PLXNB1: variants seen among roughly 807,000 people sequenced by gnomAD.
PLXNB1 encodes the protein plexin B1.
PLXNB1 carries 106 observed loss-of-function variants against 209.4 expected under a neutral mutation model. The ratio of observed to expected loss-of-function variants is 0.51; its 90% CI spans 0.43 to 0.59. The LOEUF (loss-of-function observed/expected upper bound fraction) is 0.59. PLXNB1 is among the 20% of genes least tolerant of loss of function. The probability of loss-of-function intolerance (pLI) is 0.00; values close to 1 mark genes in which losing one functional copy is unlikely to be tolerated. For synonymous variants in PLXNB1, 1,167 were observed against 1,183.2 expected, an observed-to-expected ratio of 0.99 and a Z score of 0.28; for missense variants, 2,357 against 2,853.2, an observed-to-expected ratio of 0.83 and a Z score of 3.96.
Position 48,405,864 on chromosome 3 carries a change from AG to A in PLXNB1, c.6229-67del. ...TGCAGAGAGCCACAGGAGGCAGCCC[AG>A]GACCCCAGGGAAGGGCTGGGGGAGA... On this transcript the variant is annotated intron_variant, in intron 36 of 37. Coordinates refer to ENST00000296440, the MANE Select transcript of PLXNB1 (RefSeq NM_001130082.3). This position sits in a 1 kb window ranked among gnomAD's most constrained non-coding sequence, Gnocchi z 5.0. The A allele has an allele frequency of 7.6e-7, 1 of 1,314,510 alleles. No individual in the cohort carries two copies. Among genetic ancestry groups the A allele is most frequent in the East Asian group, 2.3e-5 (1 of 43,178 alleles). The allele number at this position is 1,314,510 out of a possible 1,614,324, so 81.4% of individuals were successfully genotyped here.
Position 48,412,810 on chromosome 3 carries a change from G to A in PLXNB1, c.4786C>T (p.Arg1596Trp), listed in dbSNP as rs752036265. Residue 1596 changes from arginine to tryptophan, a missense_variant, in exon 25 of 38, where the codon CGG (arginine) becomes TGG (tryptophan). Transcript: ENST00000296440. ...CCCAGCCCTTGCTCCACAGTGGGCC[G>A]TCTGCTCTCAGGCACACCCAGGTCC... is the stretch of plus-strand genomic sequence containing the variant. ...HRDLGVPESR[R>W]PTVEQGLGQL... The A allele has an allele frequency of 9.3e-6, 15 of 1,613,548 alleles. No individual in the cohort carries two copies. The highest frequency in any genetic ancestry group is 1.7e-5 in the Admixed American group (1 of 60,006).
Position 48,405,651 on chromosome 3 carries a change from C to A in PLXNB1, c.6303+73G>T, listed in dbSNP as rs755236250. 5.7e-4 allele frequency: 690 copies of A among 1,211,258 alleles called. 2 individuals are homozygous for A. The highest frequency in any genetic ancestry group is 5.8e-4 in the Middle Eastern group (3 of 5,154). 75.0% of individuals were successfully genotyped at this position (1,211,258 alleles called of 1,614,324 possible). A position where few individuals can be genotyped will look rare whatever the true frequency, so the allele number is the denominator to read the frequency against. ...AGACCAAAGCCCCCAACGTGAGTCACAGGGTCAGAGCCCCTTAAGTCTCCT... is the reference window on the plus strand; with the variant it reads ...AGACCAAAGCCCCCAACGTGAGTCAAAGGGTCAGAGCCCCTTAAGTCTCCT... On this transcript the variant is annotated intron_variant, in intron 37 of 37. Coordinates refer to ENST00000296440, the MANE Select transcript of PLXNB1 (RefSeq NM_001130082.3). This position sits in a 1 kb window ranked among gnomAD's most constrained non-coding sequence, Gnocchi z 5.0.
intron 1 of PLXNB1, among the ~76,000 whole-genome samples, chr3:48,425,805 AACACAC>A (rs1166591503): frequency 4.1e-5 from 6 of 145,382 alleles, no homozygotes; most frequent in African/African-American, 7.7e-5. Flanking sequence ...ATATGCCTAC[AACACAC>A]ACACACACAC....
In PLXNB1 at chr3:48,418,826, C is replaced by T. The variant is rs570131935; in HGVS notation, c.2955+91G>A. On this transcript the variant is annotated intron_variant, in intron 13 of 37. Coordinates refer to ENST00000296440, the MANE Select transcript of PLXNB1 (RefSeq NM_001130082.3). The surrounding 1 kb of genome is among the most constrained non-coding windows in gnomAD (Gnocchi z 6.6). ...AGGGCGACACGGTCAGAGCGTGGCT[C>T]TGGAAAGTGTGGTGCAGCCAGCTAC... 7.0e-5 allele frequency: 106 copies of T among 1,523,170 alleles called. 2 individuals are homozygous for T. The South Asian group carries it at 1.2e-3, about 17-fold the overall frequency. 94.4% of individuals were successfully genotyped at this position (1,523,170 alleles called of 1,614,324 possible). A position where few individuals can be genotyped will look rare whatever the true frequency, so the allele number is the denominator to read the frequency against.
Position 48,419,762 on chromosome 3 carries a change from G to C in PLXNB1, c.2524C>G (p.Leu842Val). ...GGCAGCTCGCCGCCTTCTCTCGTGA[G>C]CCAGTCCAGGGCGGGCTTCACGGAG... ...MGSVKPALDWLTREGGELPEA... is the reference protein window; with the variant it reads ...MGSVKPALDWVTREGGELPEA... The change falls in exon 11 of 38, where the codon CTC (leucine) becomes GTC (valine). Residue 842 changes from leucine (L) to valine (V), a missense_variant. Leu to Val is a conservative substitution (Grantham distance 32). Coordinates refer to ENST00000296440, the MANE Select transcript of PLXNB1 (RefSeq NM_001130082.3). The surrounding 1 kb of genome is among the most constrained non-coding windows in gnomAD (Gnocchi z 5.7). The C allele has an allele frequency of 6.2e-7, 1 of 1,608,506 alleles. No individual in the cohort carries two copies. The highest frequency in any genetic ancestry group is 2.2e-5 in the East Asian group (1 of 44,738).
intron 1 of PLXNB1, among the ~76,000 whole-genome samples, chr3:48,428,404 A>G (rs1415431337): frequency 6.6e-6 from 1 of 152,166 alleles, no homozygotes; most frequent in East Asian, 1.9e-4. Context: ...CATGCCCTGG[A>G]GTCTCTTCTG....
rs747664321 is a variant in PLXNB1 at position 48,419,974 on chromosome 3, G to A, written c.2312C>T (p.Ala771Val). 6.3e-7 allele frequency: 1 copy of A among 1,589,842 alleles called. No homozygotes were observed. Among genetic ancestry groups the A allele is most frequent in the East Asian group, 2.2e-5 (1 of 44,590 alleles). The stretch of plus-strand genomic sequence containing the variant: ...TCTGAAGTCAGTGGGGGCAGGGACA[G>A]CGGTTCCAGGTCCATTTTGGGGGCT... ...PPSPQNGPGT[A>V]VPAPTDFRPS... is the part of the protein sequence containing the mutation. The change falls in exon 11 of 38, where the codon GCT becomes GTT. Residue 771 changes from alanine to valine, a missense_variant. This residue lies in a region of PLXNB1 where 410 missense variants were observed against 401.0 expected (regional missense o/e 1.02). Transcript: ENST00000296440. The surrounding 1 kb of genome is among the most constrained non-coding windows in gnomAD (Gnocchi z 5.7).
At position 48,411,294 on chromosome 3, in the gene PLXNB1, C is replaced by T. The variant is rs2037666048; in HGVS notation, c.5248-258G>A. Among the ~76,000 whole-genome samples, 1 of 152,194 alleles carries T rather than the reference C, an allele frequency of 6.6e-6. No individual in the cohort carries two copies. Among genetic ancestry groups the T allele is most frequent in the Non-Finnish European group, 1.5e-5 (1 of 68,040 alleles). ...CAGAAAAAAATGAGTGAGCACAAGTCCCTCATCACTCAGATCCCCAGGTTC... is the reference window on the plus strand; with the variant it reads ...CAGAAAAAAATGAGTGAGCACAAGTTCCTCATCACTCAGATCCCCAGGTTC... On this transcript the variant is annotated intron_variant, in intron 28 of 37. Coordinates refer to ENST00000296440, the MANE Select transcript of PLXNB1 (RefSeq NM_001130082.3). This position sits in a 1 kb window ranked among gnomAD's most constrained non-coding sequence, Gnocchi z 4.0.
intron 25 of PLXNB1, 43 bp downstream of exon 25, chr3:48,412,699 G>A (rs371931709): frequency 5.0e-6 from 8 of 1,604,098 alleles, no homozygotes; most frequent in African/African-American, 2.7e-5. Context: ...CCTGGAGAAG[G>A]GGCAGGGCCA....
Position 48,419,642 on chromosome 3 carries a change from G to C in PLXNB1, c.2644C>G (p.Pro882Ala), listed in dbSNP as rs747160759. Reference protein sequence around the residue: ...DGDSAELEGPPAPLILPSSLD... With the variant: ...DGDSAELEGPAAPLILPSSLD... ...CTGGACGGGAGGATGAGGGGGGCGG[G>C]AGGGCCCTCAAGCTCTGCTGAGTCT... The change falls in exon 11 of 38, where the codon CCC becomes GCC. Residue 882 changes from proline to alanine, a missense_variant. Transcript: ENST00000296440. This position sits in a 1 kb window ranked among gnomAD's most constrained non-coding sequence, Gnocchi z 5.7. The C allele has an allele frequency of 5.6e-6, 9 of 1,612,622 alleles. No individual in the cohort carries two copies. The highest frequency in any genetic ancestry group is 8.5e-7 in the Non-Finnish European group (1 of 1,179,954).
At chr3:48,404,755 G>A (rs1268871723) in intron 37 of PLXNB1, among the ~76,000 whole-genome samples, 165 bp from the exon 38 acceptor site, 1 of 152,184 alleles carries the variant, frequency 6.6e-6, no homozygotes, top group South Asian at 2.1e-4. Context: ...TCGCTGGCGG[G>A]AGGGGTAATA....
Position 48,415,523 on chromosome 3 carries a change from T to C in PLXNB1, c.3794+60A>G, listed in dbSNP as rs1282304556. On this transcript the variant is annotated intron_variant, in intron 19 of 37. Transcript: ENST00000296440. The surrounding 1 kb of genome is among the most constrained non-coding windows in gnomAD (Gnocchi z 5.0). ...ACATAAAGCCCTACAAACCCCCACA[T>C]AGTGGAGCTGCAAAGACCTCCCTGC... The C allele has an allele frequency of 4.4e-5, 65 of 1,484,926 alleles. No individual in the cohort carries two copies. The highest frequency in any genetic ancestry group is 5.7e-5 in the Non-Finnish European group (62 of 1,097,170). The allele number at this position is 1,484,926 out of a possible 1,614,324, so 92.0% of individuals were successfully genotyped here. A position where few individuals can be genotyped will look rare whatever the true frequency, so the allele number is the denominator to read the frequency against.
rs774553774 is a variant in PLXNB1 at position 48,420,621 on chromosome 3, A to G, written c.2028+44T>C. On this transcript the variant is annotated intron_variant, in intron 10 of 37. Transcript: ENST00000296440. ...CCATGAGAAAAACTCTCACACTGGG[A>G]CCCCCAACCCCCCCGGTATGGCCCA... 5.4e-6 allele frequency: 8 copies of G among 1,489,752 alleles called. No homozygotes were observed. The East Asian group carries it at 1.1e-4, about 21-fold the overall frequency. The allele number at this position is 1,489,752 out of a possible 1,614,324, so 92.3% of individuals were successfully genotyped here.
chr3:48,419,631 G>A lies in PLXNB1; in HGVS notation c.2655C>T (p.Leu885=). The A allele has an allele frequency of 6.2e-7, 1 of 1,612,646 alleles. No individual in the cohort carries two copies. Among genetic ancestry groups the A allele is most frequent in the South Asian group, 1.1e-5 (1 of 91,074 alleles). The change falls in exon 11 of 38, where the codon CTC becomes CTT. Residue 885 remains leucine, a synonymous_variant. Transcript: ENST00000296440. This position sits in a 1 kb window ranked among gnomAD's most constrained non-coding sequence, Gnocchi z 5.7. The stretch of plus-strand genomic sequence containing the variant: ...GGTAGTCGAGGCTGGACGGGAGGAT[G>A]AGGGGGGCGGGAGGGCCCTCAAGCT... ...SAELEGPPAP[L]ILPSSLDYQY... is the part of the protein sequence containing the mutation.
intron 2 of PLXNB1, among the ~76,000 whole-genome samples, chr3:48,424,851 G>C (rs1459918156): frequency 6.6e-6 from 1 of 152,160 alleles, no homozygotes; most frequent in African/African-American, 2.4e-5. Context: ...CCCATTCTCT[G>C]CAGGCACGAT....
rs765476248 is a variant in PLXNB1, at chr3:48,415,297, G to A, written c.3845C>T (p.Thr1282Met). ...GACCACGGTCACCCGGATTCTTGGC[G>A]TCTGTACCACGTCCAGATTCTGGCC... ...VRGQNLDVVQ[T>M]PRIRVTVVSR... Residue 1282 changes from threonine to methionine, a missense_variant, in exon 20 of 38, where the codon ACG becomes ATG. Thr to Met is a moderately conservative substitution (Grantham distance 81, BLOSUM62 -1). Coordinates refer to ENST00000296440, the MANE Select transcript of PLXNB1 (RefSeq NM_001130082.3). The surrounding 1 kb of genome is among the most constrained non-coding windows in gnomAD (Gnocchi z 5.0). The A allele has an allele frequency of 1.6e-5, 26 of 1,613,552 alleles. No individual in the cohort carries two copies. The highest frequency in any genetic ancestry group is 2.2e-5 in the South Asian group (2 of 91,076).
At chr3:48,407,835 G>A (rs1383141933) in intron 34 of PLXNB1, among the ~76,000 whole-genome samples, 3 of 152,166 alleles carry the variant, frequency 2.0e-5, no homozygotes, top group East Asian at 1.9e-4. Flanking sequence ...GGAAGGGGAG[G>A]TACTGGAAGG....
At position 48,419,196 on chromosome 3, in the gene PLXNB1, CA is replaced by C. The variant is rs768815680; in HGVS notation, c.2832+47del. On this transcript the variant is annotated intron_variant, in intron 12 of 37. Transcript: ENST00000296440. The surrounding 1 kb of genome is among the most constrained non-coding windows in gnomAD (Gnocchi z 5.7). ...TCCCCAGGGCTTGTGCAGAGTTTCTCAACAGCTAAGGAGGCTGCAAGGACAG... is the reference window on the plus strand; with the variant it reads ...TCCCCAGGGCTTGTGCAGAGTTTCTCACAGCTAAGGAGGCTGCAAGGACAG... 1.3e-6 allele frequency: 2 copies of C among 1,547,884 alleles called. No homozygotes were observed. The highest frequency in any genetic ancestry group is 1.8e-6 in the Non-Finnish European group (2 of 1,142,728).
Position 48,412,872 on chromosome 3 carries a change from A to G in PLXNB1, c.4724T>C (p.Ile1575Thr). ...FLDYKVYAER[I>T]FFPGHRESPL... is the part of the protein sequence containing the mutation. ...CGACTCGCGGTGCCCAGGGAAGAAG[A>G]TCCTCTCCGCATACACCTTGTAGTC... Residue 1575 changes from isoleucine to threonine, a missense_variant, in exon 25 of 38, where the codon ATC (isoleucine) becomes ACC (threonine). Physicochemically the swap from Ile to Thr is moderately conservative, Grantham distance 89. Coordinates refer to ENST00000296440, the MANE Select transcript of PLXNB1 (RefSeq NM_001130082.3). 2 of 1,613,764 alleles carry G rather than the reference A, an allele frequency of 1.2e-6. No homozygotes were observed. Among genetic ancestry groups the G allele is most frequent in the Non-Finnish European group, 8.5e-7 (1 of 1,179,980 alleles).
Sources: gnomAD v4.1 joint callset for allele counts (sites outside exome capture counted in the v4.1 genomes callset) on GRCh38, gnomAD v4.1.1 for gene constraint, gnomAD v4.1.1 regional missense constraint, Gnocchi (gnomAD v3.1) non-coding constraint, MANE v1.5 for transcripts, NCBI Gene and HGNC (gene_info 2026-07-23, HGNC 2026-07-21) for gene names.